The following XRCC4 variants were observed in gnomAD, a reference collection of about 807,000 sequenced individuals.
XRCC4 encodes X-ray repair cross complementing 4.
Under a neutral mutation model 39.1 loss-of-function variants are expected in XRCC4, and 28 were observed. The ratio of observed to expected loss-of-function variants is 0.72; its 90% confidence interval spans 0.53 to 0.98. The LOEUF (loss-of-function observed/expected upper bound fraction) is 0.98, where lower values mean the gene tolerates loss of function less well. Among genes scored for constraint, XRCC4 ranks in the 50% least tolerant of loss-of-function variants. The pLI is 0.00. For missense variants in XRCC4, 350 were observed against 376.4 expected (o/e 0.93, Z 0.58); for synonymous variants, 123 against 126.4 (o/e 0.97, Z 0.18).
At chr5:83,302,316 A>G (rs1425553910) in intron 7 of XRCC4, among the ~76,000 whole-genome samples, 3 of 152,176 alleles carry the variant, frequency 2.0e-5, no homozygotes, top group South Asian at 2.1e-4. Flanking sequence ...TTATGCTTCA[A>G]ACCCAGGGCC....
At chr5:83,238,103 C>T (rs1385551663) in intron 6 of XRCC4, among the ~76,000 whole-genome samples, 1 of 152,128 alleles carries the variant, frequency 6.6e-6, no homozygotes, top group African/African-American at 2.4e-5. Context: ...CTCCCTGCTA[C>T]AAATGCACTC....
intron 1 of XRCC4, among the ~76,000 whole-genome samples, chr5:83,083,688 C>A (rs144689335): frequency 1.3e-5 from 2 of 152,060 alleles, no homozygotes; most frequent in Non-Finnish European, 2.9e-5. Flanking sequence ...CATGAGCCAC[C>A]GCATTTGACC....
intron 2 of XRCC4, among the ~76,000 whole-genome samples, chr5:83,110,746 G>A (rs764512692): frequency 6.6e-6 from 1 of 152,046 alleles, no homozygotes; most frequent in Non-Finnish European, 1.5e-5. Flanking sequence ...CAAAGTGGGA[G>A]TTTCTGTAAT....
At chr5:83,325,402 C>G (rs1044859638) in intron 7 of XRCC4, among the ~76,000 whole-genome samples, 2 of 151,840 alleles carry the variant, frequency 1.3e-5, no homozygotes, top group African/African-American at 4.8e-5. Context: ...ACAGATCATC[C>G]CATCACCCAG....
intron 3 of XRCC4, among the ~76,000 whole-genome samples, chr5:83,145,952 G>A (rs1748432904): frequency 6.6e-6 from 1 of 151,432 alleles, no homozygotes; most frequent in South Asian, 2.1e-4. Context: ...ATGACTAAAA[G>A]CAGAGCTCTA....
At chr5:83,279,268 A>G (rs1754453342) in intron 7 of XRCC4, among the ~76,000 whole-genome samples, 1 of 151,786 alleles carries the variant, frequency 6.6e-6, no homozygotes, top group Non-Finnish European at 1.5e-5. Context: ...TTGACAGAGC[A>G]GCCAGAATAC....
intron 3 of XRCC4, among the ~76,000 whole-genome samples, chr5:83,183,698 A>G (rs987569551): frequency 2.6e-5 from 4 of 152,104 alleles, no homozygotes; most frequent in African/African-American, 9.7e-5. Flanking sequence ...TTAGTGTAAT[A>G]CAACTTACTT....
chr5:83,239,602 G>A (rs1388899573), intron 6 of XRCC4, among the ~76,000 whole-genome samples: 1 of 152,126 alleles, frequency 6.6e-6, no homozygotes, highest in African/African-American at 2.4e-5. Context: ...GGCCGAGGCG[G>A]GTGGATCACG....
intron 7 of XRCC4, among the ~76,000 whole-genome samples, chr5:83,261,949 A>G (rs1006914556): frequency 6.6e-6 from 1 of 152,098 alleles, no homozygotes; most frequent in African/African-American, 2.4e-5. Context: ...CCACAGGGTT[A>G]TTTTGCATTC....
chr5:83,188,513 G>A (rs1750552608), intron 3 of XRCC4, among the ~76,000 whole-genome samples: 1 of 152,092 alleles, frequency 6.6e-6, no homozygotes, highest in South Asian at 2.1e-4. Context: ...ATGAGAATGG[G>A]TGCTTTATAA....
chr5:83,309,302 TATA>T (rs1561467756), intron 7 of XRCC4, among the ~76,000 whole-genome samples: 2 of 90,524 alleles, frequency 2.2e-5, no homozygotes, highest in African/African-American at 7.7e-5. Flanking sequence ...AAAAAATATA[TATA>T]TATATATATA....
At chr5:83,359,448 A>G in the XRCC4 span, among the ~76,000 whole-genome samples, 1 of 152,162 alleles carries the variant, frequency 6.6e-6, no homozygotes, top group Non-Finnish European at 1.5e-5. Context: ...AAGCCAATCT[A>G]TAAATTACCA....
At chr5:83,334,674 C>T (rs1580524420) in intron 7 of XRCC4, among the ~76,000 whole-genome samples, 1 of 147,734 alleles carries the variant, frequency 6.8e-6, no homozygotes, top group South Asian at 2.1e-4. Flanking sequence ...TATGTGTGTG[C>T]ATATATATAT....
At chr5:83,310,851 A>C (rs1490591650) in intron 7 of XRCC4, 1 of 456,616 alleles carries the variant, frequency 2.2e-6, no homozygotes, top group Admixed American at 2.3e-5. Flanking sequence ...CAGAGAGAAA[A>C]GATGCTAAGC....
chr5:83,174,965 A>G (rs1749887399), intron 3 of XRCC4, among the ~76,000 whole-genome samples: 1 of 152,204 alleles, frequency 6.6e-6, no homozygotes, highest in Non-Finnish European at 1.5e-5. Flanking sequence ...TATATAAAGC[A>G]GATAGTCTGA....
At chr5:83,314,969 G>C (rs1246730272) in intron 7 of XRCC4, among the ~76,000 whole-genome samples, 4 of 152,032 alleles carry the variant, frequency 2.6e-5, no homozygotes, top group Admixed American at 2.6e-4. Flanking sequence ...TCAAAAGCTA[G>C]AAATGATTAA....
In XRCC4 at chr5:83,195,753, T is replaced by C; in HGVS notation, c.316-17T>C. The C allele has an allele frequency of 1.3e-6, 2 of 1,537,490 alleles. No homozygotes were observed. Among genetic ancestry groups the C allele is most frequent in the Middle Eastern group, 1.8e-4 (1 of 5,668 alleles). On this transcript the variant is annotated splice_polypyrimidine_tract_variant and intron_variant, in intron 3 of 7. Coordinates refer to ENST00000396027, the MANE Select transcript of XRCC4 (RefSeq NM_003401.5). ...TGATATTTTCCCCAAATTAACCATG[T>C]TTTTCTTTCATTTTAGTTCAGACTT...
intron 3 of XRCC4, among the ~76,000 whole-genome samples, chr5:83,191,311 C>T (rs943441574): frequency 2.0e-5 from 3 of 152,184 alleles, no homozygotes; most frequent in Non-Finnish European, 4.4e-5. Context: ...TCCCGTGTGT[C>T]ATGGGAGGAA....
chr5:83,327,482 T>C (rs1044969916), intron 7 of XRCC4, among the ~76,000 whole-genome samples: 3 of 138,648 alleles, frequency 2.2e-5, no homozygotes, highest in Non-Finnish European at 4.6e-5. Context: ...TATTATTAAA[T>C]TTAGCTGTTA....
Sources: gnomAD v4.1 joint callset for allele counts (sites outside exome capture counted in the v4.1 genomes callset) on GRCh38, gnomAD v4.1.1 for gene constraint, MANE v1.5 for transcripts, NCBI Gene and HGNC (gene_info 2026-07-23, HGNC 2026-07-21) for gene names.